The following DTNB variants were observed in gnomAD, a reference collection of about 807,000 sequenced individuals.
DTNB encodes dystrobrevin beta.
DTNB carries 63 observed loss-of-function variants against 90.7 expected under a neutral mutation model. The ratio of observed to expected loss-of-function variants is 0.69; its 90% CI spans 0.57 to 0.86. DTNB has a LOEUF of 0.86. Ranked by LOEUF, DTNB falls within the 40% of genes least tolerant of loss-of-function variation. The probability of loss-of-function intolerance (pLI) is 0.00; values close to 1 mark genes in which losing one functional copy is unlikely to be tolerated. For missense variants in DTNB, 744 were observed against 807.1 expected (o/e 0.92, Z 0.95); for synonymous variants, 277 against 286.7 (o/e 0.97, Z 0.34).
chr2:25,467,683 C>T (rs2062056843), intron 10 of DTNB, among the ~76,000 whole-genome samples: 1 of 152,008 alleles, frequency 6.6e-6, no homozygotes, highest in African/African-American at 2.4e-5. Flanking sequence ...CTTTTATCAG[C>T]TCTGAAATTC....
chr2:25,398,369 T>A (rs370855787), intron 16 of DTNB, among the ~76,000 whole-genome samples: 15 of 152,264 alleles, frequency 9.9e-5, no homozygotes, highest in African/African-American at 3.6e-4. Context: ...ATGGGTCTTA[T>A]GCCCCAGCCC....
intron 1 of DTNB, among the ~76,000 whole-genome samples, chr2:25,664,518 G>C (rs1020927998): frequency 6.6e-6 from 1 of 151,982 alleles, no homozygotes; most frequent in Admixed American, 6.6e-5. Flanking sequence ...CCAGGCGGTG[G>C]GGTTCCCTAG....
intron 9 of DTNB, among the ~76,000 whole-genome samples, 183 bp from the exon 10 acceptor site, chr2:25,483,056 G>C (rs988843931): frequency 6.6e-6 from 1 of 151,658 alleles, no homozygotes; most frequent in African/African-American, 2.4e-5. Context: ...GACCCATGGA[G>C]GGGGGGAACC....
At chr2:25,429,684 G>A (rs1288865074) in intron 14 of DTNB, among the ~76,000 whole-genome samples, 2 of 152,110 alleles carry the variant, frequency 1.3e-5, no homozygotes, top group Non-Finnish European at 2.9e-5. Flanking sequence ...ATGTATTGAA[G>A]GATTAAGAAA....
At chr2:25,640,554 CCTCT>C (rs67976777) in intron 2 of DTNB, among the ~76,000 whole-genome samples, 7 of 151,640 alleles carry the variant, frequency 4.6e-5, no homozygotes, top group South Asian at 2.1e-4. Context: ...AATATTTATC[CCTCT>C]CTCTCTCTGT....
Position 25,655,179 on chromosome 2 carries a change from C to T in DTNB, c.-1-2518G>A, listed in dbSNP as rs907403444. ...TTCGACTGTGAAAGCAGGCAAATTACAAAGATTGAATTCACAGTCCTGACA... is the reference window on the plus strand; with the variant it reads ...TTCGACTGTGAAAGCAGGCAAATTATAAAGATTGAATTCACAGTCCTGACA... On this transcript the variant is annotated intron_variant, in intron 1 of 20. Transcript: ENST00000406818. Among the ~76,000 whole-genome samples the T allele has an allele frequency of 2.0e-5, 3 of 152,324 alleles. No homozygotes were observed. The East Asian group carries it at 5.8e-4, about 29-fold the overall frequency.
intron 8 of DTNB, among the ~76,000 whole-genome samples, chr2:25,556,431 T>A (rs1281835468): frequency 6.6e-6 from 1 of 152,200 alleles, no homozygotes; most frequent in Non-Finnish European, 1.5e-5. Context: ...CTACATTTTT[T>A]GCAAGTTGGC....
intron 10 of DTNB, among the ~76,000 whole-genome samples, chr2:25,462,861 G>A (rs376031493): frequency 1.3e-5 from 2 of 152,088 alleles, no homozygotes; most frequent in Admixed American, 6.5e-5. Context: ...CCGCCACCAC[G>A]CCCGGCTAAT....
At chr2:25,470,951 G>A (rs539969153) in intron 10 of DTNB, among the ~76,000 whole-genome samples, 8 of 152,240 alleles carry the variant, frequency 5.3e-5, no homozygotes, top group Middle Eastern at 6.8e-3. Flanking sequence ...TAGAATGTAA[G>A]GACACTCCCC....
intron 10 of DTNB, among the ~76,000 whole-genome samples, chr2:25,460,510 C>T (rs544814904): frequency 2.6e-5 from 4 of 152,100 alleles, no homozygotes; most frequent in South Asian, 2.1e-4. Context: ...CACTACCATT[C>T]GGATTTCAAA....
rs79469252 is a variant in DTNB at position 25,630,257 on chromosome 2, G to C, written c.149-1873C>G. On this transcript the variant is annotated intron_variant, in intron 3 of 20. Coordinates refer to ENST00000406818, the MANE Select transcript of DTNB (RefSeq NM_021907.5). ...GAAAACAAGGGTCAGCGAGGATGTA[G>C]AGAAGTTGAAATTCTCATAAACTGC... 5.0e-4 allele frequency among the ~76,000 whole-genome samples: 76 copies of C among 152,326 alleles called. No homozygotes were observed. In the East Asian group the frequency reaches 0.014, roughly 28 times the overall value.
chr2:25,596,874 G>A (rs2064775567), intron 5 of DTNB, among the ~76,000 whole-genome samples: 1 of 152,266 alleles, frequency 6.6e-6, no homozygotes, highest in Non-Finnish European at 1.5e-5. Context: ...GTCAGGTCAA[G>A]CAGATGAGAA....
At chr2:25,503,778 G>A (rs772059152) in intron 9 of DTNB, among the ~76,000 whole-genome samples, 16 of 151,846 alleles carry the variant, frequency 1.1e-4, no homozygotes, top group South Asian at 2.1e-4. Context: ...TTAGCTGGGC[G>A]TGGTGGCGGG....
intron 4 of DTNB, among the ~76,000 whole-genome samples, chr2:25,626,542 CTGTT>C (rs1440651194): frequency 2.0e-5 from 3 of 152,154 alleles, no homozygotes; most frequent in Non-Finnish European, 2.9e-5. Context: ...GGAGGGAAGA[CTGTT>C]TGAGCCCAGT....
chr2:25,428,083 C>T (rs1358449134), intron 14 of DTNB: 1 of 152,510 alleles, frequency 6.6e-6, no homozygotes, highest in Non-Finnish European at 1.5e-5. Flanking sequence ...CAAGAACAGT[C>T]ACTTTTCCTT....
At chr2:25,558,811 G>A (rs940448403) in intron 8 of DTNB, among the ~76,000 whole-genome samples, 8 of 152,190 alleles carry the variant, frequency 5.3e-5, no homozygotes, top group East Asian at 1.9e-4. Flanking sequence ...CTGAAAATGC[G>A]GATAAAGGTT....
intron 12 of DTNB, among the ~76,000 whole-genome samples, chr2:25,439,209 T>C (rs1026341484): frequency 2.0e-5 from 3 of 152,126 alleles, no homozygotes; most frequent in Non-Finnish European, 4.4e-5. Context: ...AAGATGTTAA[T>C]AACAGGGGAA....
intron 9 of DTNB, among the ~76,000 whole-genome samples, chr2:25,514,416 T>C (rs1210796493): frequency 6.6e-6 from 1 of 152,186 alleles, no homozygotes; most frequent in Non-Finnish European, 1.5e-5. Flanking sequence ...CCAGATTTTA[T>C]GGGGCCTTGT....
chr2:25,381,087 C>A (rs1178458090), intron 19 of DTNB, among the ~76,000 whole-genome samples: 2 of 152,308 alleles, frequency 1.3e-5, no homozygotes, highest in East Asian at 3.9e-4. Context: ...TGGGAAAAAG[C>A]TACTGGGGAA....
Sources: gnomAD v4.1 joint callset for allele counts (sites outside exome capture counted in the v4.1 genomes callset) on GRCh38, gnomAD v4.1.1 for gene constraint, MANE v1.5 for transcripts, NCBI Gene and HGNC (gene_info 2026-07-23, HGNC 2026-07-21) for gene names.